The following NOL4L variants were observed in gnomAD, a reference collection of about 807,000 sequenced individuals.
NOL4L encodes nucleolar protein 4-like.
A neutral mutation model predicts 64.5 loss-of-function variants in NOL4L; 7 were observed. That is an observed-to-expected ratio of 0.11 (90% CI 0.06 to 0.20). The LOEUF is 0.20. Ranked by LOEUF, NOL4L falls within the 10% of genes least tolerant of loss-of-function variation. The pLI is 1.00. For missense variants in NOL4L, 680 were observed against 967.1 expected (o/e 0.70, Z 3.94); for synonymous variants, 413 against 401.0 (o/e 1.03, Z -0.36).
intron 1 of NOL4L, among the ~76,000 whole-genome samples, chr20:32,575,620 C>T (rs1468197720): frequency 6.6e-6 from 1 of 152,164 alleles, no homozygotes; most frequent in Non-Finnish European, 1.5e-5. Flanking sequence ...AGTGGGGAGC[C>T]CCTTAAGGGC....
intron 1 of NOL4L, among the ~76,000 whole-genome samples, chr20:32,567,333 C>G (rs1349072663): frequency 6.6e-6 from 1 of 152,214 alleles, no homozygotes; most frequent in East Asian, 1.9e-4. Context: ...TTTCTTTCTT[C>G]CTCCTGATTT....
intron 10 of NOL4L, among the ~76,000 whole-genome samples, chr20:32,448,948 C>T (rs1023079364): frequency 2.6e-5 from 4 of 152,180 alleles, no homozygotes; most frequent in Non-Finnish European, 4.4e-5. Flanking sequence ...GCTGAGATGC[C>T]GGCTGTGAAA....
At chr20:32,552,067 G>A (rs1046836674) in intron 1 of NOL4L, among the ~76,000 whole-genome samples, 7 of 152,160 alleles carry the variant, frequency 4.6e-5, no homozygotes, top group Admixed American at 4.6e-4. Context: ...TAGATTACAG[G>A]TATGAGCTAC....
At chr20:32,496,751 C>T (rs2016703997) in intron 4 of NOL4L, among the ~76,000 whole-genome samples, 1 of 152,022 alleles carries the variant, frequency 6.6e-6, no homozygotes, top group Non-Finnish European at 1.5e-5. Flanking sequence ...AGGGTTTCAT[C>T]ATGTTGGCCG....
At chr20:32,553,109 C>T (rs374378772) in intron 1 of NOL4L, among the ~76,000 whole-genome samples, 3 of 152,168 alleles carry the variant, frequency 2.0e-5, no homozygotes, top group South Asian at 2.1e-4. Context: ...TTCAGCACCG[C>T]CCCATTTCCA....
chr20:32,528,071 G>T (rs2018202587), intron 1 of NOL4L, among the ~76,000 whole-genome samples, 158 bp from the exon 2 acceptor site: 2 of 152,186 alleles, frequency 1.3e-5, no homozygotes, highest in South Asian at 4.1e-4. Context: ...TCCCTGGAGG[G>T]GGACGCCAGA....
intron 1 of NOL4L, among the ~76,000 whole-genome samples, chr20:32,570,443 G>T (rs1979684659): frequency 6.6e-6 from 1 of 152,208 alleles, no homozygotes; most frequent in Non-Finnish European, 1.5e-5. Flanking sequence ...CCCCAAAGGG[G>T]CAGCGGAGGA....
At chr20:32,537,997 T>C (rs1387208502) in intron 1 of NOL4L, among the ~76,000 whole-genome samples, 2 of 152,166 alleles carry the variant, frequency 1.3e-5, no homozygotes, top group Admixed American at 6.5e-5. Flanking sequence ...CAGGCTGGTC[T>C]CGAACTCCTG....
chr20:32,501,941 T>G (rs1044830713), intron 4 of NOL4L, among the ~76,000 whole-genome samples: 3 of 152,202 alleles, frequency 2.0e-5, no homozygotes, highest in Non-Finnish European at 4.4e-5. Flanking sequence ...CATATGTTAA[T>G]TGGGTCAGCT....
chr20:32,486,596 C>A, intron 4 of NOL4L: 1 of 400,376 alleles, frequency 2.5e-6, no homozygotes. Context: ...CAAATAGGAT[C>A]TTAGCGTGAC....
In NOL4L at chr20:32,447,817, C is replaced by A; in HGVS notation, c.1823-1G>T. The A allele has an allele frequency of 6.5e-7, 1 of 1,548,442 alleles. No homozygotes were observed. The highest frequency in any genetic ancestry group is 8.7e-7 in the Non-Finnish European group (1 of 1,145,576). On this transcript the variant is annotated splice_acceptor_variant, in intron 10 of 10. Transcript: ENST00000621426. LOFTEE classifies it high-confidence loss of function. ...CCTTTCATGCTGAGGTCCGTGGGCC[C>A]TGTGGAGAGGGAAGTAGGGTGAGAA...
intron 1 of NOL4L, among the ~76,000 whole-genome samples, chr20:32,565,771 C>T (rs1007531406): frequency 1.3e-5 from 2 of 152,172 alleles, no homozygotes; most frequent in East Asian, 1.9e-4. Context: ...TGGTTTTAAA[C>T]GTTAGGCACA....
intron 1 of NOL4L, among the ~76,000 whole-genome samples, chr20:32,530,779 G>T (rs2018318195): frequency 6.6e-6 from 1 of 151,950 alleles, no homozygotes; most frequent in South Asian, 2.1e-4. Context: ...AAATTAGCTG[G>T]GTGTGGTGGT....
chr20:32,488,815 T>TC (rs1568648493), intron 4 of NOL4L, among the ~76,000 whole-genome samples: 2 of 18,268 alleles, frequency 1.1e-4, no homozygotes, highest in Non-Finnish European at 1.8e-4. Context: ...TTTTCTTTCT[T>TC]TCTTTCTTTC....
chr20:32,536,987 TGC>T, intron 1 of NOL4L: 2 of 717,612 alleles, frequency 2.8e-6, no homozygotes, highest in Non-Finnish European at 3.4e-6. Context: ...GCGCACCTGC[TGC>T]GCGCGCGCCC....
At position 32,529,218 on chromosome 20, in the gene NOL4L, A is replaced by G. The variant is rs190197874; in HGVS notation, c.322-1305T>C. On this transcript the variant is annotated intron_variant, in intron 1 of 10. Transcript: ENST00000621426. Reference sequence around the variant, plus strand: ...CTGTGCTTCGAGCTTCAGGCCCTTTATCTGTAAAATGGGGATAACAGAAGC... The same window carrying G: ...CTGTGCTTCGAGCTTCAGGCCCTTTGTCTGTAAAATGGGGATAACAGAAGC... Among the ~76,000 whole-genome samples, 55 of 152,314 alleles carry G rather than the reference A, an allele frequency of 3.6e-4. No individual in the cohort carries two copies. The East Asian group carries it at 0.01, about 28-fold the overall frequency.
At chr20:32,528,038 G>T in intron 1 of NOL4L, 125 bp from the exon 2 acceptor site, 1 of 676,258 alleles carries the variant, frequency 1.5e-6, no homozygotes, top group Non-Finnish European at 2.2e-6. Flanking sequence ...GGGTGGGGAG[G>T]GGAGGGAGCC....
chr20:32,456,261 T>G lies in NOL4L; in HGVS notation c.976A>C (p.Thr326Pro), dbSNP rs772783368. 1.9e-6 allele frequency: 3 copies of G among 1,603,418 alleles called. No individual in the cohort carries two copies. Among genetic ancestry groups the G allele is most frequent in the Non-Finnish European group, 2.6e-6 (3 of 1,175,234 alleles). ...NGAVAPMDFT[T>P]AAEDQPINLC... is the part of the protein sequence containing the mutation. ...TTGATGGGCTGATCCTCGGCGGCCG[T>G]GGTGAAGTCCATGGGGGCCACGGCG... The change falls in exon 6 of 11, where the codon ACG becomes CCG. Residue 326 changes from threonine to proline, a missense_variant. Thr to Pro is a conservative substitution (Grantham distance 38). Coordinates refer to ENST00000621426, the MANE Select transcript of NOL4L (RefSeq NM_001256798.2).
chr20:32,505,761 T>C (rs1323980174), intron 4 of NOL4L, among the ~76,000 whole-genome samples: 4 of 152,090 alleles, frequency 2.6e-5, no homozygotes, highest in Admixed American at 6.6e-5. Context: ...TGCTACCACA[T>C]GGATGAACCT....
Sources: allele counts gnomAD v4.1 joint callset (sites outside exome capture counted in the v4.1 genomes callset), GRCh38; gene constraint gnomAD v4.1.1; transcripts MANE v1.5; gene names NCBI Gene and HGNC (gene_info 2026-07-23, HGNC 2026-07-21).